Variants in TNFAIP8 observed in about 807,000 individuals in gnomAD.
TNFAIP8 encodes the protein tumor necrosis factor alpha-induced protein 8.
TNFAIP8 carries 7 observed loss-of-function variants against 13.3 expected under a neutral mutation model. The ratio of observed to expected loss-of-function variants is 0.52; its 90% CI spans 0.30 to 0.99. The LOEUF (loss-of-function observed/expected upper bound fraction) is 0.99. TNFAIP8 is among the 50% of genes least tolerant of loss of function. TNFAIP8 has a pLI of 0.07. For missense variants in TNFAIP8, 258 were observed against 236.9 expected, an observed-to-expected ratio of 1.09 and a Z score of -0.58; for synonymous variants, 94 against 87.6, an observed-to-expected ratio of 1.07 and a Z score of -0.41.
chr5:119,384,656 G>T (rs1234145437), intron 1 of TNFAIP8, among the ~76,000 whole-genome samples: 1 of 152,070 alleles, frequency 6.6e-6, no homozygotes, highest in African/African-American at 2.4e-5. Context: ...TCTGACTTTG[G>T]GTAACCACAA....
At chr5:119,392,254 T>C (rs1300995847) in intron 1 of TNFAIP8, among the ~76,000 whole-genome samples, 1 of 152,264 alleles carries the variant, frequency 6.6e-6, no homozygotes, top group African/African-American at 2.4e-5. Flanking sequence ...AAAACAAGGC[T>C]TTCCTTTTGA....
At chr5:119,371,300 T>C (rs910384651) in intron 1 of TNFAIP8, among the ~76,000 whole-genome samples, 6 of 152,154 alleles carry the variant, frequency 3.9e-5, no homozygotes, top group Non-Finnish European at 8.8e-5. Context: ...GTTGCCTATA[T>C]AAAGACTAAC....
intron 1 of TNFAIP8, among the ~76,000 whole-genome samples, chr5:119,383,563 T>A (rs1245586670): frequency 1.3e-5 from 2 of 152,256 alleles, no homozygotes; most frequent in Non-Finnish European, 2.9e-5. Flanking sequence ...TGGACACATA[T>A]ACAGTTTATA....
At chr5:119,386,686 G>A (rs879233899) in intron 1 of TNFAIP8, among the ~76,000 whole-genome samples, 1 of 152,154 alleles carries the variant, frequency 6.6e-6, no homozygotes, top group African/African-American at 2.4e-5. Flanking sequence ...CCTGTCACTG[G>A]TTCTTAACCA....
At position 119,347,756 on chromosome 5, in the gene TNFAIP8, C is replaced by G. The variant is rs115615209; in HGVS notation, c.2-45060C>G. Among the ~76,000 whole-genome samples, 738 of 152,324 alleles carry G rather than the reference C, an allele frequency of 4.8e-3. 2 individuals carry two copies. The highest frequency in any genetic ancestry group is 7.8e-3 in the Non-Finnish European group (528 of 68,024). On this transcript the variant is annotated intron_variant, in intron 1 of 1. Coordinates refer to the TNFAIP8 transcript ENST00000274456. ...TTTGGGTAAGTTCTGCTTCAGTTCA[C>G]ATTTTCACCACCTGCTGAGTTTTTC...
At position 119,373,995 on chromosome 5, in the gene TNFAIP8, G is replaced by T. The variant is rs139786761; in HGVS notation, c.31+17874G>T. Among the ~76,000 whole-genome samples the T allele has an allele frequency of 4.4e-3, 667 of 152,134 alleles. 7 individuals are homozygous for T. The highest frequency in any genetic ancestry group is 0.015 in the African/African-American group (610 of 41,504). ...TTTCCTCATTGAATTATTTCTTATGGTTTTAAACATTTTTTAATGATTTTT... is the reference window on the plus strand; with the variant it reads ...TTTCCTCATTGAATTATTTCTTATGTTTTTAAACATTTTTTAATGATTTTT... On this transcript the variant is annotated intron_variant, in intron 1 of 1. Coordinates refer to ENST00000504771, the MANE Select transcript of TNFAIP8 (RefSeq NM_014350.4).
upstream of TNFAIP8, among the ~76,000 whole-genome samples, chr5:119,351,137 C>T (rs936023537): frequency 1.3e-5 from 2 of 151,946 alleles, no homozygotes. Flanking sequence ...ATCCTCCTGC[C>T]TCAGTCTCCC....
At chr5:119,312,475 A>G (rs1749759863) in intron 1 of TNFAIP8, among the ~76,000 whole-genome samples, 2 of 152,230 alleles carry the variant, frequency 1.3e-5, no homozygotes, top group Admixed American at 1.3e-4. Context: ...AAAAAAAGAA[A>G]ATAGAGTTAT....
At chr5:119,389,064 G>A (rs563409560) in intron 1 of TNFAIP8, among the ~76,000 whole-genome samples, 14 of 152,282 alleles carry the variant, frequency 9.2e-5, no homozygotes, top group East Asian at 1.9e-4. Flanking sequence ...GAGAAATGCA[G>A]GAGGAAGGTG....
chr5:119,324,874 T>C (rs11959729), intron 1 of TNFAIP8, among the ~76,000 whole-genome samples: 14,362 of 152,208 alleles, frequency 0.094, 778 homozygotes, highest in African/African-American at 0.16. Context: ...TTTGCTTTTA[T>C]ATATTGTTTT....
chr5:119,313,837 C>G (rs1410282903), intron 1 of TNFAIP8, among the ~76,000 whole-genome samples: 1 of 152,234 alleles, frequency 6.6e-6, no homozygotes, highest in East Asian at 1.9e-4. Context: ...TTGCATCTCA[C>G]TTAGCTTTTG....
At chr5:119,313,432 T>C (rs1375840125) in intron 1 of TNFAIP8, among the ~76,000 whole-genome samples, 2 of 152,166 alleles carry the variant, frequency 1.3e-5, no homozygotes. Flanking sequence ...TTTCACTTTC[T>C]TGAGACCACC....
At chr5:119,313,167 C>T (rs895586247) in intron 1 of TNFAIP8, among the ~76,000 whole-genome samples, 2 of 152,108 alleles carry the variant, frequency 1.3e-5, no homozygotes, top group Non-Finnish European at 2.9e-5. Flanking sequence ...TGGTCAGCTT[C>T]GTATTTGTCA....
chr5:119,331,816 C>T (rs1750389057), intron 1 of TNFAIP8, among the ~76,000 whole-genome samples: 1 of 152,148 alleles, frequency 6.6e-6, no homozygotes, highest in Admixed American at 6.5e-5. Flanking sequence ...CCACTGAGGT[C>T]ACATTTTAGG....
At chr5:119,377,406 T>TA (rs11445660) in intron 1 of TNFAIP8, among the ~76,000 whole-genome samples, 29,302 of 148,674 alleles carry the variant, frequency 0.2, 3,016 homozygotes, top group Non-Finnish European at 0.23. Flanking sequence ...AAATAAGAAG[T>TA]AAAAAAAAAA....
intron 1 of TNFAIP8, among the ~76,000 whole-genome samples, chr5:119,374,225 T>C (rs995661473): frequency 3.3e-5 from 5 of 152,148 alleles, no homozygotes; most frequent in Non-Finnish European, 7.4e-5. Flanking sequence ...ATATTTGCAT[T>C]ATACTTACTG....
At chr5:119,324,654 G>C (rs1750164852) in intron 1 of TNFAIP8, among the ~76,000 whole-genome samples, 1 of 151,884 alleles carries the variant, frequency 6.6e-6, no homozygotes, top group Non-Finnish European at 1.5e-5. Context: ...GTAACTCACA[G>C]GGTTTTTGAA....
intron 1 of TNFAIP8, among the ~76,000 whole-genome samples, chr5:119,270,841 T>C (rs943431135): frequency 6.6e-6 from 1 of 152,222 alleles, no homozygotes; most frequent in Non-Finnish European, 1.5e-5. Context: ...GAATTATTAA[T>C]AAATCAGTGA....
At chr5:119,290,618 G>A (rs1030344580) in intron 1 of TNFAIP8, among the ~76,000 whole-genome samples, 9 of 152,306 alleles carry the variant, frequency 5.9e-5, no homozygotes, top group Admixed American at 1.3e-4. Flanking sequence ...GGTCATATGG[G>A]AGGGGATTAC....
Sources: allele counts gnomAD v4.1 joint callset (sites outside exome capture counted in the v4.1 genomes callset), GRCh38; gene constraint gnomAD v4.1.1; transcripts MANE v1.5; gene names NCBI Gene and HGNC (gene_info 2026-07-23, HGNC 2026-07-21).